The following CSMD1 variants were observed in gnomAD, a reference collection of about 807,000 sequenced individuals.
CSMD1 encodes the protein CUB and sushi domain-containing protein 1.
A neutral mutation model predicts 417.5 loss-of-function variants in CSMD1; 213 were observed. The observed-to-expected ratio is 0.51, with a 90% confidence interval of 0.46 to 0.57. The LOEUF is 0.57. CSMD1 is among the 20% of genes least tolerant of loss of function. The pLI, the probability that CSMD1 is intolerant of heterozygous loss-of-function variation, is 0.00. For missense variants in CSMD1, 6,923 were observed against 4,529.7 expected, an observed-to-expected ratio of 1.53 and a Z score of -15.17; for synonymous variants, 2,862 against 1,736.8, an observed-to-expected ratio of 1.65 and a Z score of -16.11.
intron 5 of CSMD1, among the ~76,000 whole-genome samples, chr8:3,858,992 C>T (rs916919071): frequency 6.6e-6 from 1 of 152,176 alleles, no homozygotes; most frequent in African/African-American, 2.4e-5. Context: ...TTCTTCTACT[C>T]CACACCTTCA....
rs74738314 is a variant in CSMD1 at position 4,785,235 on chromosome 8, C to G, written c.86-147677G>C. Reference sequence around the variant, plus strand: ...ATTGTACCAGCTCATGCCTGTTAGTCTAGAGCAGTCATGAGGAGGTGAACA... The same window carrying G: ...ATTGTACCAGCTCATGCCTGTTAGTGTAGAGCAGTCATGAGGAGGTGAACA... On this transcript the variant is annotated intron_variant, in intron 1 of 69. Coordinates refer to ENST00000635120, the MANE Select transcript of CSMD1 (RefSeq NM_033225.6). 3.3e-3 allele frequency among the ~76,000 whole-genome samples: 496 copies of G among 152,224 alleles called. 9 individuals are homozygous for G. Among genetic ancestry groups the G allele is most frequent in the African/African-American group, 0.012 (479 of 41,522 alleles).
At chr8:3,737,133 T>C (rs1371180511) in intron 6 of CSMD1, among the ~76,000 whole-genome samples, 1 of 152,226 alleles carries the variant, frequency 6.6e-6, no homozygotes, top group East Asian at 1.9e-4. Flanking sequence ...TAATCTTAAA[T>C]TAGATGGGAA....
At chr8:3,376,014 C>T (rs188769146) in intron 18 of CSMD1, among the ~76,000 whole-genome samples, 1 of 152,170 alleles carries the variant, frequency 6.6e-6, no homozygotes. Flanking sequence ...ACTTCTTTAT[C>T]CTCATCCACT....
rs891391804 is a variant in CSMD1 at position 3,230,194 on chromosome 8, G to C, written c.4191C>G (p.Pro1397=). The change falls in exon 27 of 70, where the codon CCC becomes CCG. Residue 1397 remains proline, a synonymous_variant. Coordinates refer to ENST00000635120, the MANE Select transcript of CSMD1 (RefSeq NM_033225.6). ...TGTCTCCATAGCGGGTGCCATTTTGGGGCATACCTGGATCGTTACAGGTGG... is the reference window on the plus strand; with the variant it reads ...TGTCTCCATAGCGGGTGCCATTTTGCGGCATACCTGGATCGTTACAGGTGG... ...IAATCNDPGM[P]QNGTRYGDSR... is the part of the protein sequence containing the mutation. 1.2e-6 allele frequency: 2 copies of C among 1,609,514 alleles called. No homozygotes were observed. Among genetic ancestry groups the C allele is most frequent in the Admixed American group, 1.7e-5 (1 of 59,264 alleles).
chr8:4,619,151 AATG>A (rs1801635270), intron 2 of CSMD1, among the ~76,000 whole-genome samples: 1 of 152,128 alleles, frequency 6.6e-6, no homozygotes, highest in African/African-American at 2.4e-5. Context: ...ATGAGAAAGA[AATG>A]AACGTTTATC....
Position 3,433,392 on chromosome 8 carries a change from A to C in CSMD1, c.1562-23787T>G, listed in dbSNP as rs373928884. 2.6e-5 allele frequency among the ~76,000 whole-genome samples: 4 copies of C among 152,178 alleles called. No homozygotes were observed. The East Asian group carries it at 5.8e-4, about 22-fold the overall frequency. On this transcript the variant is annotated intron_variant, in intron 12 of 69. Transcript: ENST00000635120. ...CCTTCTGCCTTTCAAAATGGGCATT[A>C]AGTGAACTACCCACTTTCTTAATAT...
At chr8:4,062,721 G>C (rs192234925) in intron 3 of CSMD1, among the ~76,000 whole-genome samples, 3 of 150,584 alleles carry the variant, frequency 2.0e-5, no homozygotes, top group Admixed American at 6.6e-5. Context: ...TTCCTGATCA[G>C]CATTATCAAA....
chr8:3,369,224 G>T (rs371928996), intron 19 of CSMD1, 30 bp downstream of exon 19: 89 of 1,066,326 alleles, frequency 8.3e-5, no homozygotes, highest in Middle Eastern at 2.0e-4. Context: ...TTATTAGTCT[G>T]TATGTTTGAG....
chr8:3,604,574 A>T (rs186919960), intron 8 of CSMD1, among the ~76,000 whole-genome samples: 49 of 152,352 alleles, frequency 3.2e-4, no homozygotes, highest in African/African-American at 1.1e-3. Flanking sequence ...CTTTATAAGT[A>T]TATGAAATCT....
At chr8:4,666,597 T>C (rs1417179962) in intron 1 of CSMD1, among the ~76,000 whole-genome samples, 7 of 152,338 alleles carry the variant, frequency 4.6e-5, no homozygotes, top group South Asian at 2.1e-4. Context: ...ATTTATGCTG[T>C]TTCAAACCAA....
rs1472911137 is a variant in CSMD1 at position 2,937,139 on chromosome 8, A to G, written c.*1446T>C. On this transcript the variant is annotated 3_prime_UTR_variant, in exon 70 of 70. Transcript: ENST00000635120. ...TCTTCTACTTCATGTTTTGATTTTT[A>G]TTTGCCCTGGGGATCTTATAGATTT... The G allele has an allele frequency of 6.6e-6, 1 of 152,166 alleles. No homozygotes were observed. Among genetic ancestry groups the G allele is most frequent in the Non-Finnish European group, 1.5e-5 (1 of 68,028 alleles). 9.4% of individuals were successfully genotyped at this position (152,166 alleles called of 1,614,324 possible).
chr8:3,039,691 G>A (rs7008902), intron 50 of CSMD1, among the ~76,000 whole-genome samples: 11,417 of 152,020 alleles, frequency 0.075, 1,424 homozygotes, highest in African/African-American at 0.26. Context: ...AGAAATGTGG[G>A]TTCAGAAAGG....
intron 3 of CSMD1, among the ~76,000 whole-genome samples, chr8:4,064,308 G>C (rs1221147616): frequency 2.6e-5 from 4 of 152,096 alleles, no homozygotes; most frequent in Non-Finnish European, 5.9e-5. Flanking sequence ...CAATGTTCCT[G>C]GGCTCCATAT....
chr8:4,597,410 C>A (rs527934548), intron 2 of CSMD1, among the ~76,000 whole-genome samples: 2 of 152,232 alleles, frequency 1.3e-5, no homozygotes, highest in Admixed American at 1.3e-4. Context: ...AAATATCCAT[C>A]CCCAAATGTA....
chr8:3,770,151 C>G (rs560589793), intron 5 of CSMD1, among the ~76,000 whole-genome samples: 6 of 152,356 alleles, frequency 3.9e-5, no homozygotes, highest in African/African-American at 1.4e-4. Context: ...CTACCTGCAG[C>G]CCTGGCCTAT....
At chr8:4,584,952 G>A (rs2130711162) in intron 2 of CSMD1, among the ~76,000 whole-genome samples, 1 of 152,162 alleles carries the variant, frequency 6.6e-6, no homozygotes, top group Admixed American at 6.6e-5. Flanking sequence ...CTAACTGCCT[G>A]CCAGAAACAA....
intron 3 of CSMD1, among the ~76,000 whole-genome samples, chr8:4,358,247 G>C (rs1801545545): frequency 2.0e-5 from 3 of 152,232 alleles, no homozygotes; most frequent in African/African-American, 7.2e-5. Flanking sequence ...TGTGGGGCTT[G>C]TTGAACTTTT....
intron 11 of CSMD1, among the ~76,000 whole-genome samples, chr8:3,481,613 G>C (rs1488452414): frequency 1.3e-5 from 2 of 152,142 alleles, no homozygotes; most frequent in Non-Finnish European, 2.9e-5. Flanking sequence ...CGAAATGTGG[G>C]GGATTGTCCT....
rs149109538 is a variant in CSMD1, at chr8:4,206,844, C to T, written c.416-174745G>A. On this transcript the variant is annotated intron_variant, in intron 3 of 69. Transcript: ENST00000635120. ...TTTTGAGTGATTATTTTGTGGGCTCCTAGAAGCAAATTGTTTTAATACAAT... is the reference window on the plus strand; with the variant it reads ...TTTTGAGTGATTATTTTGTGGGCTCTTAGAAGCAAATTGTTTTAATACAAT... 5.5e-4 allele frequency among the ~76,000 whole-genome samples: 83 copies of T among 152,160 alleles called. 1 individual carries two copies. The East Asian group carries it at 7.5e-3, about 14-fold the overall frequency.
Sources: allele counts gnomAD v4.1 joint callset (sites outside exome capture counted in the v4.1 genomes callset), GRCh38; gene constraint gnomAD v4.1.1; transcripts MANE v1.5; gene names NCBI Gene and HGNC (gene_info 2026-07-23, HGNC 2026-07-21).